Variants in DRC5 observed in about 807,000 individuals in gnomAD.
The protein encoded by DRC5 is T-complex-associated testis-expressed protein 1.
the DRC5 span, chr6:44,287,056 T>G: frequency 3.1e-6 from 1 of 320,332 alleles, no homozygotes; most frequent in Non-Finnish European, 4.5e-6. Flanking sequence ...GACTGGGTGA[T>G]GATAGTTGCT....
the DRC5 span, chr6:44,282,072 C>T: frequency 6.3e-7 from 1 of 1,584,040 alleles, no homozygotes; most frequent in Non-Finnish European, 8.6e-7. Context: ...CAGTTGGATT[C>T]CACACCCACC....
the DRC5 span, among the ~76,000 whole-genome samples, chr6:44,291,870 C>T: frequency 4.6e-5 from 7 of 152,170 alleles, no homozygotes; most frequent in Non-Finnish European, 8.8e-5. Context: ...ATGCCGGCAC[C>T]AGAAACCAGG....
the DRC5 span, among the ~76,000 whole-genome samples, chr6:44,283,759 TCTAA>T: frequency 6.6e-6 from 1 of 152,208 alleles, no homozygotes; most frequent in African/African-American, 2.4e-5. Context: ...TGCATGCCAA[TCTAA>T]CTATATTTCT....
chr6:44,293,796 A>G, the DRC5 span, among the ~76,000 whole-genome samples: 2 of 152,230 alleles, frequency 1.3e-5, no homozygotes, highest in Non-Finnish European at 2.9e-5. Flanking sequence ...TCACGGCCCT[A>G]ATGTACAGTC....
At chr6:44,291,087 C>T in the DRC5 span, among the ~76,000 whole-genome samples, 159 of 152,276 alleles carry the variant, frequency 1.0e-3, no homozygotes, top group South Asian at 0.012. Context: ...AGGGGCAGGG[C>T]CTCGCTCCAT....
At chr6:44,280,766 C>T in the DRC5 span, among the ~76,000 whole-genome samples, 1 of 152,116 alleles carries the variant, frequency 6.6e-6, no homozygotes. Context: ...GGTGTTCTCC[C>T]GGTTTCTGCC....
chr6:44,296,743 C>T, the DRC5 span, among the ~76,000 whole-genome samples: 3 of 149,330 alleles, frequency 2.0e-5, no homozygotes, highest in African/African-American at 7.4e-5. Flanking sequence ...CTCTGACTGC[C>T]TTCTCTGCCT....
chr6:44,286,539 G>T, the DRC5 span: 2 of 1,605,452 alleles, frequency 1.2e-6, no homozygotes, highest in South Asian at 2.2e-5. Flanking sequence ...TTTTCTTTGG[G>T]AACAGAGGAA....
the DRC5 span, among the ~76,000 whole-genome samples, chr6:44,297,138 TCCCCCA>T: frequency 6.6e-6 from 1 of 151,968 alleles, no homozygotes; most frequent in Admixed American, 6.5e-5. Flanking sequence ...CAGGAGTCCC[TCCCCCA>T]TCCTACCTGG....
the DRC5 span, among the ~76,000 whole-genome samples, chr6:44,292,420 C>T: frequency 6.6e-6 from 1 of 152,184 alleles, no homozygotes; most frequent in Non-Finnish European, 1.5e-5. Flanking sequence ...CAGACCCCAT[C>T]TTTCCAGTAC....
the DRC5 span, chr6:44,282,519 G>A: frequency 6.2e-7 from 1 of 1,601,930 alleles, no homozygotes; most frequent in Non-Finnish European, 8.5e-7. Flanking sequence ...TATGATGCGT[G>A]CCTTGTCATC....
chr6:44,295,015 C>T, the DRC5 span, among the ~76,000 whole-genome samples: 1 of 152,146 alleles, frequency 6.6e-6, no homozygotes. Flanking sequence ...TAGCTGGGGG[C>T]CCCGGGCACA....
At chr6:44,297,649 G>A in the DRC5 span, 2 of 152,208 alleles carry the variant, frequency 1.3e-5, no homozygotes, top group African/African-American at 4.8e-5. Flanking sequence ...ACTCCCGGAG[G>A]TCGCCTCACC....
the DRC5 span, chr6:44,285,902 G>A: frequency 6.3e-6 from 9 of 1,425,612 alleles, no homozygotes; most frequent in Admixed American, 1.3e-4. Flanking sequence ...AGGAAGAGGA[G>A]GGGAGAGGGA....
chr6:44,293,654 A>G, the DRC5 span, among the ~76,000 whole-genome samples: 1 of 152,136 alleles, frequency 6.6e-6, no homozygotes, highest in Non-Finnish European at 1.5e-5. Flanking sequence ...GTCACTCAGT[A>G]TGTCCCCCTC....
At chr6:44,291,562 G>A in the DRC5 span, among the ~76,000 whole-genome samples, 8 of 152,084 alleles carry the variant, frequency 5.3e-5, no homozygotes, top group South Asian at 6.2e-4. Flanking sequence ...CCTACTTTCC[G>A]ACCATTCTTT....
At chr6:44,284,486 A>G in the DRC5 span, among the ~76,000 whole-genome samples, 1 of 152,064 alleles carries the variant, frequency 6.6e-6, no homozygotes, top group Non-Finnish European at 1.5e-5. Flanking sequence ...CATTCAATTC[A>G]GACCTCTCAT....
the DRC5 span, chr6:44,286,036 C>A: frequency 6.2e-7 from 1 of 1,614,116 alleles, no homozygotes; most frequent in South Asian, 1.1e-5. Flanking sequence ...GGAAGAGATT[C>A]CACTCGAAAT....
the DRC5 span, among the ~76,000 whole-genome samples, chr6:44,297,350 T>A: frequency 6.6e-6 from 1 of 151,936 alleles, no homozygotes; most frequent in Non-Finnish European, 1.5e-5. Context: ...TGCCCCACTT[T>A]CCCCCTCTTC....
Sources: gnomAD v4.1 joint callset for allele counts (sites outside exome capture counted in the v4.1 genomes callset) on GRCh38, gnomAD v4.1.1 for gene constraint, MANE v1.5 for transcripts, NCBI Gene and HGNC (gene_info 2026-07-23, HGNC 2026-07-21) for gene names.